NCAM2: variants seen among roughly 807,000 people sequenced by gnomAD.
The protein encoded by NCAM2 is N-CAM-2.
In NCAM2, 30 loss-of-function variants were observed where a neutral mutation model predicts 98.1. The ratio of observed to expected loss-of-function variants is 0.31; its 90% CI spans 0.23 to 0.41. The LOEUF (loss-of-function observed/expected upper bound fraction) is 0.41, where lower values mean the gene tolerates loss of function less well. Among genes scored for constraint, NCAM2 ranks in the 10% least tolerant of loss-of-function variants. The pLI is 1.00. For synonymous variants in NCAM2, 368 were observed against 342.4 expected (o/e 1.07, Z -0.83); for missense variants, 867 against 1,005.8 (o/e 0.86, Z 1.87).
At chr21:21,214,746 T>TATATATATATATATATATATAC (rs11268201) in intron 1 of NCAM2, among the ~76,000 whole-genome samples, 2,795 of 99,904 alleles carry the variant, frequency 0.028, 96 homozygotes, top group Non-Finnish European at 0.039. Flanking sequence ...TATATATATA[T>TATATATATATATATATATATAC]ACACTATATA....
intron 9 of NCAM2, among the ~76,000 whole-genome samples, chr21:21,386,579 T>G (rs954845185): frequency 6.6e-6 from 1 of 152,190 alleles, no homozygotes; most frequent in Admixed American, 6.5e-5. Context: ...AAGAGTCTTT[T>G]ATTGTTAAGC....
intron 1 of NCAM2, among the ~76,000 whole-genome samples, chr21:21,065,879 T>A (rs1270791792): frequency 6.6e-6 from 1 of 152,174 alleles, no homozygotes; most frequent in African/African-American, 2.4e-5. Flanking sequence ...CAAAGATAAT[T>A]TTAATTCACT....
At chr21:21,444,551 G>A (rs1465304526) in intron 12 of NCAM2, among the ~76,000 whole-genome samples, 2 of 152,048 alleles carry the variant, frequency 1.3e-5, no homozygotes, top group Non-Finnish European at 2.9e-5. Flanking sequence ...CTTCTTCCTG[G>A]TTTGGTCATG....
intron 1 of NCAM2, among the ~76,000 whole-genome samples, chr21:21,040,886 T>A (rs2064890929): frequency 6.6e-6 from 1 of 152,130 alleles, no homozygotes; most frequent in South Asian, 2.1e-4. Context: ...TTAACAAGAA[T>A]TTATTGTGTA....
At chr21:21,133,834 A>G (rs1175346508) in intron 1 of NCAM2, among the ~76,000 whole-genome samples, 1 of 152,188 alleles carries the variant, frequency 6.6e-6, no homozygotes, top group African/African-American at 2.4e-5. Context: ...CACTGGAGGA[A>G]TAGGAACAGG....
chr21:21,288,395 A>G (rs115592008), intron 4 of NCAM2, among the ~76,000 whole-genome samples: 2,156 of 151,960 alleles, frequency 0.014, 50 homozygotes, highest in African/African-American at 0.05. Flanking sequence ...AAATCTTGGA[A>G]TCAGTTTTGC....
chr21:21,042,766 T>C (rs1484920085), intron 1 of NCAM2, among the ~76,000 whole-genome samples: 2 of 152,178 alleles, frequency 1.3e-5, no homozygotes, highest in Non-Finnish European at 2.9e-5. Flanking sequence ...TTGGTGTGGC[T>C]AAGTAAACAG....
intron 17 of NCAM2, among the ~76,000 whole-genome samples, chr21:21,535,830 T>C (rs1989951534): frequency 6.6e-6 from 1 of 152,110 alleles, no homozygotes; most frequent in Non-Finnish European, 1.5e-5. Context: ...TAATCACCAA[T>C]ATAAAATAAT....
intron 8 of NCAM2, among the ~76,000 whole-genome samples, chr21:21,366,196 A>G (rs2075780777): frequency 6.6e-6 from 1 of 152,078 alleles, no homozygotes; most frequent in Non-Finnish European, 1.5e-5. Flanking sequence ...CTAAAGGACA[A>G]GCGCAATGAC....
intron 15 of NCAM2, among the ~76,000 whole-genome samples, chr21:21,479,356 G>C (rs1320769000): frequency 1.3e-5 from 2 of 151,700 alleles, no homozygotes; most frequent in Non-Finnish European, 2.9e-5. Context: ...GGCCCAGGTG[G>C]GCGGATCACG....
intron 5 of NCAM2, among the ~76,000 whole-genome samples, chr21:21,305,210 C>T (rs1009073090): frequency 2.6e-5 from 4 of 151,908 alleles, no homozygotes; most frequent in East Asian, 1.9e-4. Flanking sequence ...CCCAGATACT[C>T]GGGAGGCTGA....
chr21:21,433,148 A>T (rs75541615), intron 12 of NCAM2, among the ~76,000 whole-genome samples: 1,849 of 152,334 alleles, frequency 0.012, 44 homozygotes, highest in African/African-American at 0.043. Context: ...ATCAGTTTGC[A>T]CTGAGCATAA....
chr21:21,258,436 G>A (rs1000525597), intron 1 of NCAM2, among the ~76,000 whole-genome samples: 2 of 152,104 alleles, frequency 1.3e-5, no homozygotes, highest in Admixed American at 6.5e-5. Context: ...AAAAACAAAA[G>A]CAGAGAGAGT....
chr21:21,406,418 G>T (rs960184493), intron 9 of NCAM2, among the ~76,000 whole-genome samples: 14 of 152,294 alleles, frequency 9.2e-5, no homozygotes, highest in African/African-American at 3.4e-4. Context: ...CAGAAATCAA[G>T]GGTGCGGGAA....
At chr21:21,483,101 T>C (rs938009525) in intron 15 of NCAM2, among the ~76,000 whole-genome samples, 1 of 152,062 alleles carries the variant, frequency 6.6e-6, no homozygotes, top group Non-Finnish European at 1.5e-5. Flanking sequence ...TAAACTTACT[T>C]TGAAAAACAT....
intron 17 of NCAM2, among the ~76,000 whole-genome samples, chr21:21,535,130 A>T (rs1989915055): frequency 6.6e-6 from 1 of 152,240 alleles, no homozygotes; most frequent in Middle Eastern, 3.4e-3. Context: ...TATCATTGCA[A>T]TATCTATGTA....
intron 15 of NCAM2, among the ~76,000 whole-genome samples, chr21:21,494,382 TAA>T (rs1307067452): frequency 6.6e-6 from 1 of 151,684 alleles, no homozygotes; most frequent in East Asian, 1.9e-4. Flanking sequence ...GACAGAAAAA[TAA>T]AATTGGTCAG....
At chr21:21,262,249 C>T (rs931446743) in intron 1 of NCAM2, among the ~76,000 whole-genome samples, 2 of 152,052 alleles carry the variant, frequency 1.3e-5, no homozygotes, top group Non-Finnish European at 1.5e-5. Flanking sequence ...CACGACCAGA[C>T]AGATTCACAG....
chr21:21,416,501 A>G (rs1157243507), intron 10 of NCAM2, among the ~76,000 whole-genome samples: 2 of 137,338 alleles, frequency 1.5e-5, no homozygotes, highest in Non-Finnish European at 3.2e-5. Flanking sequence ...TGTGAAAAAA[A>G]AAAAGAAAAG....
Sources: allele counts gnomAD v4.1 joint callset (sites outside exome capture counted in the v4.1 genomes callset), GRCh38; gene constraint gnomAD v4.1.1; transcripts MANE v1.5; gene names NCBI Gene and HGNC (gene_info 2026-07-23, HGNC 2026-07-21).